The following CYP7B1 variants were observed in gnomAD, a reference collection of about 807,000 sequenced individuals.
The protein encoded by CYP7B1 is cytochrome P450 family 7 subfamily B member 1.
A neutral mutation model predicts 42.7 loss-of-function variants in CYP7B1; 29 were observed. The observed-to-expected ratio is 0.68, with a 90% CI of 0.51 to 0.93. The LOEUF (loss-of-function observed/expected upper bound fraction) is 0.93. CYP7B1 is among the 40% of genes least tolerant of loss of function. CYP7B1 has a pLI of 0.00. For synonymous variants in CYP7B1, 235 were observed against 218.2 expected, an observed-to-expected ratio of 1.08 and a Z score of -0.68; for missense variants, 655 against 600.5, an observed-to-expected ratio of 1.09 and a Z score of -0.95.
chr8:64,725,953 G>A (rs1199831465), intron 1 of CYP7B1, among the ~76,000 whole-genome samples: 1 of 152,146 alleles, frequency 6.6e-6, no homozygotes, highest in Non-Finnish European at 1.5e-5. Context: ...GCTGTCGTGT[G>A]GCTGCAGGGC....
intron 1 of CYP7B1, among the ~76,000 whole-genome samples, chr8:64,737,268 C>T (rs1333130163): frequency 1.3e-5 from 2 of 152,058 alleles, no homozygotes; most frequent in African/African-American, 4.8e-5. Flanking sequence ...ATGCCTGGCT[C>T]CATTTAAAGA....
chr8:64,640,544 T>C (rs1262120925), intron 1 of CYP7B1, among the ~76,000 whole-genome samples: 2 of 152,150 alleles, frequency 1.3e-5, no homozygotes. Context: ...CCGAACTCTC[T>C]CCTTTAATGA....
At chr8:64,726,947 G>A (rs961054938) in intron 1 of CYP7B1, among the ~76,000 whole-genome samples, 1 of 152,144 alleles carries the variant, frequency 6.6e-6, no homozygotes, top group African/African-American at 2.4e-5. Context: ...GGAAGTGCCT[G>A]AGGGCCTATG....
At position 64,604,871 on chromosome 8, in the gene CYP7B1, A is replaced by AG. The variant is rs1183782292; in HGVS notation, c.1058-15_1058-14insC. 20 of 1,612,510 alleles carry AG rather than the reference A, an allele frequency of 1.2e-5. No homozygotes were observed. In the Middle Eastern group the frequency reaches 1.2e-3, roughly 93 times the overall value. ...AAATGCTGCTTTCTGAAGGAAAAAA[A>AG]CAAACGATAGCTTATTAAGATAGGG... On this transcript the variant is annotated splice_polypyrimidine_tract_variant and intron_variant, in intron 4 of 5. Coordinates refer to ENST00000310193, the MANE Select transcript of CYP7B1 (RefSeq NM_004820.5).
At chr8:64,632,798 C>T (rs1805716333) in intron 1 of CYP7B1, among the ~76,000 whole-genome samples, 1 of 152,042 alleles carries the variant, frequency 6.6e-6, no homozygotes, top group South Asian at 2.1e-4. Context: ...AATAATGTCC[C>T]TCTCATCACT....
At chr8:64,748,501 C>T (rs1470870843) in intron 1 of CYP7B1, among the ~76,000 whole-genome samples, 1 of 152,174 alleles carries the variant, frequency 6.6e-6, no homozygotes, top group Non-Finnish European at 1.5e-5. Context: ...CATTTACCTG[C>T]CCCTGTGCTG....
At position 64,642,296 on chromosome 8, in the gene CYP7B1, G is replaced by A. The variant is rs139633271; in HGVS notation, c.123-17757C>T. On this transcript the variant is annotated intron_variant, in intron 1 of 5. Coordinates refer to ENST00000310193, the MANE Select transcript of CYP7B1 (RefSeq NM_004820.5). ...TTTTTGGAACCCACTAAATTGATTC[G>A]AAGTCCTAGTAATGTGTCACAATCT... 3.9e-3 allele frequency among the ~76,000 whole-genome samples: 586 copies of A among 149,326 alleles called. 6 individuals are homozygous for A. The highest frequency in any genetic ancestry group is 0.013 in the African/African-American group (543 of 40,432).
chr8:64,728,789 A>C (rs973108364), intron 1 of CYP7B1: 1 of 152,174 alleles, frequency 6.6e-6, no homozygotes, highest in Non-Finnish European at 1.5e-5. Context: ...TGTTCAAGAA[A>C]TTTCTGCCAT....
At chr8:64,688,618 C>G (rs1425088705) in intron 1 of CYP7B1, among the ~76,000 whole-genome samples, 1 of 152,134 alleles carries the variant, frequency 6.6e-6, no homozygotes, top group African/African-American at 2.4e-5. Context: ...TTTCTAGGTG[C>G]TGGTGATAAA....
intron 1 of CYP7B1, among the ~76,000 whole-genome samples, chr8:64,789,089 G>A (rs1452712592): frequency 3.9e-5 from 6 of 151,902 alleles, no homozygotes; most frequent in Non-Finnish European, 5.9e-5. Flanking sequence ...CCCAGCTAAC[G>A]TTTTTTATTT....
chr8:64,604,954 GAA>G, intron 4 of CYP7B1, 97 bp from the exon 5 acceptor site: 1 of 1,342,634 alleles, frequency 7.4e-7, no homozygotes, highest in Non-Finnish European at 1.0e-6. Flanking sequence ...AGCCTTGATT[GAA>G]AAGGAAACTG....
Position 64,594,036 on chromosome 8 carries a change from T to A in CYP7B1, c.*2606A>T, listed in dbSNP as rs1805078525. On this transcript the variant is annotated 3_prime_UTR_variant, in exon 6 of 6. Transcript: ENST00000310193. ...TACAGAATGGAGAGGATTGGATGGA[T>A]CTGAGGATGGGACATAACAAATTTA... is the stretch of plus-strand genomic sequence containing the variant. 6.6e-6 allele frequency among the ~76,000 whole-genome samples: 1 copy of A among 151,844 alleles called. No individual in the cohort carries two copies. The highest frequency in any genetic ancestry group is 1.5e-5 in the Non-Finnish European group (1 of 67,986).
chr8:64,749,283 G>A (rs1382555664), intron 1 of CYP7B1, among the ~76,000 whole-genome samples: 2 of 152,080 alleles, frequency 1.3e-5, no homozygotes, highest in African/African-American at 4.8e-5. Context: ...GTTTCACCAT[G>A]TTGGCCAGGC....
rs1805045058 is a variant in CYP7B1 at position 64,592,099 on chromosome 8, A to T, written c.*4543T>A. Among the ~76,000 whole-genome samples the T allele has an allele frequency of 6.6e-6, 1 of 151,940 alleles. No homozygotes were observed. The highest frequency in any genetic ancestry group is 1.9e-4 in the East Asian group (1 of 5,184). ...GCTACTCGGAGGGCTGAGACAAGGG[A>T]ATTGCTTGAACCCAGGAAGTGGAGG... On this transcript the variant is annotated 3_prime_UTR_variant, in exon 6 of 6. Coordinates refer to ENST00000310193, the MANE Select transcript of CYP7B1 (RefSeq NM_004820.5).
intron 1 of CYP7B1, among the ~76,000 whole-genome samples, chr8:64,625,670 G>C (rs1457911132): frequency 6.6e-6 from 1 of 152,142 alleles, no homozygotes; most frequent in East Asian, 1.9e-4. Flanking sequence ...CTGAGTTCTA[G>C]TCAAACTGCT....
intron 4 of CYP7B1, 40 bp from the exon 5 acceptor site, chr8:64,604,897 C>A (rs1298019566): frequency 1.9e-6 from 3 of 1,599,526 alleles, no homozygotes; most frequent in Non-Finnish European, 2.6e-6. Context: ...TAAGATAGGG[C>A]TGGTCCTGAA....
At chr8:64,736,384 C>CA (rs1248540331) in intron 1 of CYP7B1, among the ~76,000 whole-genome samples, 5 of 152,050 alleles carry the variant, frequency 3.3e-5, no homozygotes, top group Non-Finnish European at 7.4e-5. Flanking sequence ...GCAAGAGAAA[C>CA]AAAAAATGCA....
intron 1 of CYP7B1, among the ~76,000 whole-genome samples, chr8:64,786,837 G>A (rs1013850148): frequency 1.3e-5 from 2 of 152,218 alleles, no homozygotes; most frequent in Non-Finnish European, 2.9e-5. Context: ...ACATCCAGGT[G>A]TTTACATACA....
chr8:64,661,352 T>C (rs1160101288), intron 1 of CYP7B1, among the ~76,000 whole-genome samples: 2 of 152,212 alleles, frequency 1.3e-5, no homozygotes, highest in South Asian at 2.1e-4. Context: ...AAATCTTCCA[T>C]ATAAGGCCAA....
Sources: allele counts gnomAD v4.1 joint callset (sites outside exome capture counted in the v4.1 genomes callset), GRCh38; gene constraint gnomAD v4.1.1; transcripts MANE v1.5; gene names NCBI Gene and HGNC (gene_info 2026-07-23, HGNC 2026-07-21).